Variants in ZNF644 observed in about 807,000 individuals in gnomAD.
ZNF644 encodes the protein zinc finger motif enhancer binding protein 2.
Under a neutral mutation model 108.0 loss-of-function variants are expected in ZNF644, and 20 were observed. The observed-to-expected ratio is 0.19, with a 90% CI of 0.13 to 0.27. The LOEUF is 0.27. ZNF644 is among the 10% of genes least tolerant of loss of function. The pLI is 1.00. For synonymous variants in ZNF644, 542 were observed against 539.1 expected (o/e 1.01, Z -0.08); for missense variants, 1,338 against 1,548.9 (o/e 0.86, Z 2.29).
chr1:90,985,841 T>C (rs954951219), intron 1 of ZNF644, among the ~76,000 whole-genome samples: 4 of 152,194 alleles, frequency 2.6e-5, no homozygotes, highest in African/African-American at 4.8e-5. Flanking sequence ...CTATATCATA[T>C]GGTAATTCTA....
At chr1:90,942,925 G>A (rs1209752695) in intron 2 of ZNF644, among the ~76,000 whole-genome samples, 1 of 152,084 alleles carries the variant, frequency 6.6e-6, no homozygotes, top group Non-Finnish European at 1.5e-5. Context: ...TGGTAAACAA[G>A]ACAAGTTAGG....
At chr1:90,979,531 T>A (rs1570488332) in intron 2 of ZNF644, among the ~76,000 whole-genome samples, 1 of 152,144 alleles carries the variant, frequency 6.6e-6, no homozygotes, top group South Asian at 2.1e-4. Flanking sequence ...ATCTACAATT[T>A]AAAAAAATTT....
At chr1:91,012,921 A>C (rs1229070225) in intron 1 of ZNF644, among the ~76,000 whole-genome samples, 1 of 152,162 alleles carries the variant, frequency 6.6e-6, no homozygotes, top group Non-Finnish European at 1.5e-5. Context: ...TTCTTTATCA[A>C]TCTCCATCAT....
chr1:90,949,898 C>A (rs1478971641), intron 2 of ZNF644, among the ~76,000 whole-genome samples: 2 of 152,034 alleles, frequency 1.3e-5, no homozygotes, highest in Non-Finnish European at 2.9e-5. Flanking sequence ...CAATAGGATT[C>A]CCAGTATGTG....
rs557274327 is a variant in ZNF644, at chr1:90,930,235, G to A, written c.3688+7250C>T. Among the ~76,000 whole-genome samples the A allele has an allele frequency of 2.6e-5, 4 of 152,250 alleles. No individual in the cohort carries two copies. In the South Asian group the frequency reaches 8.3e-4, roughly 32 times the overall value. ...TGGGAGGCAGAGGTTGCAGTGAGCCGAGACTGCACCATTGCACTCCAGCCT... is the reference window on the plus strand; with the variant it reads ...TGGGAGGCAGAGGTTGCAGTGAGCCAAGACTGCACCATTGCACTCCAGCCT... On this transcript the variant is annotated intron_variant, in intron 4 of 5. Transcript: ENST00000337393.
At chr1:90,958,380 T>C (rs1467516754) in intron 2 of ZNF644, among the ~76,000 whole-genome samples, 1 of 152,056 alleles carries the variant, frequency 6.6e-6, no homozygotes, top group South Asian at 2.1e-4. Context: ...AGACTTAGTA[T>C]TGTTAAGATG....
At position 90,937,621 on chromosome 1, in the gene ZNF644, C is replaced by T. The variant is rs375223155; in HGVS notation, c.3552G>A (p.Arg1184=). ...LLKNKRMGEE[R]NSAISPQKIH... ...TCTTTTGAGGAGAAATAGCAGAATT[C>T]CTTTCTTCTCCCATCCTTTTATTTT... is the stretch of plus-strand genomic sequence containing the variant. Residue 1184 remains arginine (R), a synonymous_variant, in exon 4 of 6, where the codon AGG becomes AGA. Coordinates refer to ENST00000337393, the MANE Select transcript of ZNF644 (RefSeq NM_201269.3). The T allele has an allele frequency of 9.3e-6, 15 of 1,613,834 alleles. No individual in the cohort carries two copies. The highest frequency in any genetic ancestry group is 1.3e-5 in the Non-Finnish European group (15 of 1,179,834).
rs765130316 is a variant in ZNF644 at position 90,940,584 on chromosome 1, G to A, written c.770C>T (p.Thr257Ile). The A allele has an allele frequency of 1.7e-5, 28 of 1,613,626 alleles. No homozygotes were observed. Among genetic ancestry groups the A allele is most frequent in the Admixed American group, 1.7e-4 (10 of 59,944 alleles). ...GAACTCTTTTTGGGGATCCCAGTTT[G>A]TATCATTTTCTGACCTAAATCCATC... Reference protein sequence around the residue: ...GTDGFRSENDTNWDPQKEFIQ... With the variant: ...GTDGFRSENDINWDPQKEFIQ... The change falls in exon 3 of 6, where the codon ACA becomes ATA. Residue 257 changes from threonine (T) to isoleucine (I), a missense_variant. Physicochemically the swap from Thr to Ile is moderately conservative, Grantham distance 89. Coordinates refer to ENST00000337393, the MANE Select transcript of ZNF644 (RefSeq NM_201269.3).
Position 90,938,976 on chromosome 1 carries a change from T to C in ZNF644, c.2378A>G (p.Asp793Gly). 6.2e-7 allele frequency: 1 copy of C among 1,614,026 alleles called. No homozygotes were observed. The highest frequency in any genetic ancestry group is 8.5e-7 in the Non-Finnish European group (1 of 1,179,950). The change falls in exon 3 of 6, where the codon GAC (aspartate) becomes GGC (glycine). Residue 793 changes from aspartate to glycine, a missense_variant. This residue lies in a region of ZNF644 where 462 missense variants were observed against 472.6 expected (regional missense o/e 0.98). Coordinates refer to ENST00000337393, the MANE Select transcript of ZNF644 (RefSeq NM_201269.3). This position sits in a 1 kb window ranked among gnomAD's most constrained non-coding sequence, Gnocchi z 4.2. Reference protein sequence around the residue: ...NNFISDPHKPDAKRPESFKDH... With the variant: ...NNFISDPHKPGAKRPESFKDH... ...TTTGAAGCTTTCAGGCCTTTTGGCG[T>C]CAGGCTTATGAGGGTCTGAAATAAA...
At chr1:90,977,030 G>A (rs1186201534) in intron 2 of ZNF644, among the ~76,000 whole-genome samples, 5 of 147,812 alleles carry the variant, frequency 3.4e-5, no homozygotes, top group African/African-American at 1.3e-4. Context: ...AAGTTTTCTA[G>A]AATTAAATAC....
At chr1:90,964,010 A>G (rs1654591284) in intron 2 of ZNF644, among the ~76,000 whole-genome samples, 2 of 152,154 alleles carry the variant, frequency 1.3e-5, no homozygotes, top group South Asian at 4.1e-4. Flanking sequence ...ATACCTTAAC[A>G]ATTATGGTAT....
intron 4 of ZNF644, among the ~76,000 whole-genome samples, chr1:90,932,636 G>A (rs1460345125): frequency 6.6e-6 from 1 of 152,016 alleles, no homozygotes; most frequent in African/African-American, 2.4e-5. Context: ...GGGATAATCA[G>A]TATGTGGAGT....
At chr1:90,943,458 A>G (rs955103810) in intron 2 of ZNF644, among the ~76,000 whole-genome samples, 1 of 152,184 alleles carries the variant, frequency 6.6e-6, no homozygotes, top group African/African-American at 2.4e-5. Flanking sequence ...AAAAAACAAT[A>G]AAATAATAAA....
At chr1:91,004,006 C>A (rs892296661) in intron 1 of ZNF644, among the ~76,000 whole-genome samples, 8 of 152,056 alleles carry the variant, frequency 5.3e-5, no homozygotes, top group African/African-American at 1.7e-4. Context: ...CTGAGATTAT[C>A]CAGTCTGAGG....
At chr1:90,982,897 GCAT>G (rs909922910) in intron 1 of ZNF644, among the ~76,000 whole-genome samples, 11 of 151,752 alleles carry the variant, frequency 7.2e-5, no homozygotes, top group Admixed American at 1.3e-4. Flanking sequence ...TAAATGCCAA[GCAT>G]CATTATTCTA....
chr1:90,963,007 A>C (rs563014822), intron 2 of ZNF644, among the ~76,000 whole-genome samples: 21 of 152,286 alleles, frequency 1.4e-4, no homozygotes, highest in African/African-American at 5.1e-4. Context: ...TAAGAAGGTG[A>C]AAGTCAAGCC....
intron 1 of ZNF644, among the ~76,000 whole-genome samples, chr1:90,994,297 C>T (rs1189753791): frequency 6.6e-6 from 1 of 152,158 alleles, no homozygotes; most frequent in Non-Finnish European, 1.5e-5. Flanking sequence ...ATGCACTCAT[C>T]GATCCTTCAA....
intron 1 of ZNF644, 118 bp downstream of exon 1, chr1:91,021,872 C>A (rs1008719046): frequency 2.5e-6 from 1 of 398,296 alleles, no homozygotes; most frequent in Non-Finnish European, 4.4e-6. Context: ...GGCCCGAGAG[C>A]CGGAGGCCGG....
At chr1:90,923,815 T>C (rs909717969) in intron 4 of ZNF644, among the ~76,000 whole-genome samples, 7 of 152,280 alleles carry the variant, frequency 4.6e-5, no homozygotes, top group African/African-American at 1.4e-4. Flanking sequence ...ATTAGGTTTG[T>C]GGTTTTACAA....
Sources: allele counts gnomAD v4.1 joint callset (sites outside exome capture counted in the v4.1 genomes callset), GRCh38; gene constraint gnomAD v4.1.1; regional missense constraint gnomAD v4.1.1; non-coding constraint Gnocchi (gnomAD v3.1); transcripts MANE v1.5; gene names NCBI Gene and HGNC (gene_info 2026-07-23, HGNC 2026-07-21).